Variants in ARPP21 observed in about 807,000 individuals in gnomAD.
ARPP21 encodes cAMP regulated phosphoprotein 21.
In ARPP21, 69 loss-of-function variants were observed where a neutral mutation model predicts 113.2. The observed-to-expected ratio is 0.61, with a 90% CI of 0.50 to 0.74. The LOEUF (loss-of-function observed/expected upper bound fraction) is 0.74, where lower values mean the gene tolerates loss of function less well. Among genes scored for constraint, ARPP21 ranks in the 30% least tolerant of loss-of-function variants. ARPP21 has a pLI of 0.00. For synonymous variants in ARPP21, 368 were observed against 375.5 expected (o/e 0.98, Z 0.23); for missense variants, 1,070 against 1,037.4 (o/e 1.03, Z -0.43).
intron 5 of ARPP21, chr3:35,685,760 A>T (rs973651305): frequency 5.2e-6 from 5 of 958,718 alleles, no homozygotes; most frequent in Non-Finnish European, 6.2e-6. Flanking sequence ...TATTACTGCA[A>T]CTTGAATCAC....
intron 19 of ARPP21, among the ~76,000 whole-genome samples, chr3:35,786,757 C>G (rs1312538999): frequency 1.3e-5 from 2 of 151,982 alleles, no homozygotes; most frequent in African/African-American, 4.8e-5. Context: ...CTTCCTTGTG[C>G]CCGAGGACCC....
intron 9 of ARPP21, among the ~76,000 whole-genome samples, chr3:35,704,639 C>T (rs1336085567): frequency 6.6e-6 from 1 of 151,924 alleles, no homozygotes; most frequent in African/African-American, 2.4e-5. Context: ...CTCCTACTAA[C>T]CAAATTATCT....
intron 1 of ARPP21, among the ~76,000 whole-genome samples, chr3:35,663,529 C>A (rs1708778156): frequency 6.6e-6 from 1 of 152,176 alleles, no homozygotes; most frequent in South Asian, 2.1e-4. Flanking sequence ...GAAGCATCAG[C>A]ATTTTGCCCT....
intron 18 of ARPP21, among the ~76,000 whole-genome samples, chr3:35,740,198 C>T (rs2094573480): frequency 6.6e-6 from 1 of 152,194 alleles, no homozygotes; most frequent in South Asian, 2.1e-4. Context: ...TTACTGTCTT[C>T]TCAAAGACTG....
At chr3:35,744,272 A>T (rs1329718551) in intron 19 of ARPP21, among the ~76,000 whole-genome samples, 1 of 150,288 alleles carries the variant, frequency 6.7e-6, no homozygotes, top group Non-Finnish European at 1.5e-5. Flanking sequence ...CCTTCTTTTA[A>T]TTTTTTTTTT....
intron 19 of ARPP21, among the ~76,000 whole-genome samples, chr3:35,767,767 T>C (rs1209110769): frequency 6.6e-6 from 1 of 152,110 alleles, no homozygotes. Context: ...TGATAGCCAT[T>C]ACTAAGAACT....
At chr3:35,750,521 G>A (rs1438522424) in intron 19 of ARPP21, among the ~76,000 whole-genome samples, 1 of 152,180 alleles carries the variant, frequency 6.6e-6, no homozygotes, top group African/African-American at 2.4e-5. Flanking sequence ...ATAAGCACTT[G>A]AAAACACTGG....
At chr3:35,680,656 T>C (rs866096054) in intron 2 of ARPP21, among the ~76,000 whole-genome samples, 24 of 151,908 alleles carry the variant, frequency 1.6e-4, no homozygotes, top group African/African-American at 5.6e-4. Context: ...GGACAGTTAT[T>C]GCTTGGGATT....
At chr3:35,644,891 G>T (rs1699601750) in intron 1 of ARPP21, among the ~76,000 whole-genome samples, 1 of 151,772 alleles carries the variant, frequency 6.6e-6, no homozygotes, top group Admixed American at 6.6e-5. Flanking sequence ...TTTGGCAGTT[G>T]TATAACCCCC....
chr3:35,760,582 T>C (rs1433089933), intron 19 of ARPP21, among the ~76,000 whole-genome samples: 1 of 151,992 alleles, frequency 6.6e-6, no homozygotes. Context: ...CTGCTCCTCT[T>C]AAAAGAACTT....
chr3:35,711,766 A>G (rs1181910093), intron 11 of ARPP21, among the ~76,000 whole-genome samples: 1 of 152,190 alleles, frequency 6.6e-6, no homozygotes, highest in African/African-American at 2.4e-5. Context: ...TCAGTTCCTT[A>G]CAATGTAGGC....
In ARPP21 at chr3:35,741,445, T is replaced by A. The variant is rs2094651606; in HGVS notation, c.2010+1868T>A. Reference sequence around the variant, plus strand: ...CAACTATGGAACAATGGAAATAACTTAGTTCAGATTCAGCCCACAAATATG... The same window carrying A: ...CAACTATGGAACAATGGAAATAACTAAGTTCAGATTCAGCCCACAAATATG... On this transcript the variant is annotated intron_variant, in intron 18 of 20. Coordinates refer to ENST00000684406, the MANE Select transcript of ARPP21 (RefSeq NM_001385562.1). 2.0e-5 allele frequency among the ~76,000 whole-genome samples: 3 copies of A among 152,208 alleles called. No homozygotes were observed. The South Asian group carries it at 6.2e-4, about 32-fold the overall frequency.
chr3:35,670,357 A>G (rs1359044807), intron 1 of ARPP21, among the ~76,000 whole-genome samples: 1 of 152,024 alleles, frequency 6.6e-6, no homozygotes, highest in East Asian at 1.9e-4. Flanking sequence ...TTCTCCTTCA[A>G]ACAAGAATGT....
At chr3:35,779,601 G>A (rs1034882866) in intron 19 of ARPP21, among the ~76,000 whole-genome samples, 3 of 151,992 alleles carry the variant, frequency 2.0e-5, no homozygotes, top group African/African-American at 4.8e-5. Context: ...AAAAAAAGTG[G>A]GGGGCAGGTG....
At chr3:35,773,480 T>A (rs1025593701) in intron 19 of ARPP21, among the ~76,000 whole-genome samples, 1 of 152,152 alleles carries the variant, frequency 6.6e-6, no homozygotes, top group African/African-American at 2.4e-5. Context: ...CAAACAATAA[T>A]TGTATTTACT....
At chr3:35,735,689 G>A (rs536453344) in intron 15 of ARPP21, among the ~76,000 whole-genome samples, 1 of 152,260 alleles carries the variant, frequency 6.6e-6, no homozygotes, top group African/African-American at 2.4e-5. Context: ...CCCCATCCTG[G>A]GAGCCCCATT....
intron 11 of ARPP21, among the ~76,000 whole-genome samples, chr3:35,710,936 A>G (rs1490565971): frequency 1.3e-5 from 2 of 152,214 alleles, no homozygotes; most frequent in Non-Finnish European, 2.9e-5. Context: ...AAGTGTTGCT[A>G]TTTGAAGCAT....
intron 1 of ARPP21, among the ~76,000 whole-genome samples, chr3:35,649,264 A>G (rs1701455513): frequency 6.6e-6 from 1 of 152,132 alleles, no homozygotes; most frequent in Non-Finnish European, 1.5e-5. Context: ...GAGGACAAAA[A>G]CCTGCCCTTA....
chr3:35,724,422 T>C (rs1248483148), intron 14 of ARPP21, among the ~76,000 whole-genome samples: 1 of 152,186 alleles, frequency 6.6e-6, no homozygotes, highest in Non-Finnish European at 1.5e-5. Flanking sequence ...CCCATCTTGA[T>C]CTTCAAAGCA....
Sources: allele counts gnomAD v4.1 joint callset (sites outside exome capture counted in the v4.1 genomes callset), GRCh38; gene constraint gnomAD v4.1.1; transcripts MANE v1.5; gene names NCBI Gene and HGNC (gene_info 2026-07-23, HGNC 2026-07-21).